STXBP6: variants seen among roughly 807,000 people sequenced by gnomAD.
The protein encoded by STXBP6 is syntaxin-binding protein 6.
A neutral mutation model predicts 26.9 loss-of-function variants in STXBP6; 21 were observed. That is an observed-to-expected ratio of 0.78 (90% CI 0.55 to 1.12). STXBP6 has a LOEUF of 1.12. Ranked by LOEUF, STXBP6 falls within the 50% of genes most tolerant of loss-of-function variation. STXBP6 has a pLI of 0.00. For synonymous variants in STXBP6, 97 were observed against 92.6 expected (o/e 1.05, Z -0.27); for missense variants, 232 against 257.9 (o/e 0.90, Z 0.69).
At chr14:24,920,360 T>C (rs1358590188) in intron 2 of STXBP6, among the ~76,000 whole-genome samples, 2 of 152,100 alleles carry the variant, frequency 1.3e-5, no homozygotes, top group African/African-American at 4.8e-5. Context: ...TCTGACAGTT[T>C]AAAATATTTA....
At chr14:25,038,369 C>T (rs2075588937) in intron 1 of STXBP6, among the ~76,000 whole-genome samples, 2 of 152,212 alleles carry the variant, frequency 1.3e-5, no homozygotes, top group Admixed American at 6.5e-5. Context: ...AGACACACAC[C>T]CACCATCAGA....
intron 1 of STXBP6, among the ~76,000 whole-genome samples, chr14:25,019,008 C>T (rs540320280): frequency 6.6e-6 from 1 of 152,296 alleles, no homozygotes. Flanking sequence ...AAGCAATACT[C>T]GGTAGGCTTC....
intron 1 of STXBP6, among the ~76,000 whole-genome samples, chr14:25,007,366 G>A (rs1274485387): frequency 1.3e-5 from 2 of 152,206 alleles, no homozygotes; most frequent in South Asian, 2.1e-4. Context: ...GACGGTGACT[G>A]TGATAATGGT....
intron 4 of STXBP6, chr14:24,819,463 C>T: frequency 1.7e-6 from 1 of 583,846 alleles, no homozygotes; most frequent in South Asian, 2.2e-5. Context: ...TCCATTCTGC[C>T]AGTATTCTAT....
At chr14:24,856,793 G>A (rs958554847) in intron 3 of STXBP6, among the ~76,000 whole-genome samples, 2 of 151,690 alleles carry the variant, frequency 1.3e-5, no homozygotes, top group African/African-American at 2.4e-5. Flanking sequence ...CAATGTTACC[G>A]GAGGTCACAT....
chr14:24,838,819 C>T lies in STXBP6; in HGVS notation c.451+17117G>A, dbSNP rs571435845. 1.6e-4 allele frequency among the ~76,000 whole-genome samples: 24 copies of T among 152,242 alleles called. 2 individuals are homozygous for T. Among genetic ancestry groups the T allele is most frequent in the Admixed American group, 5.2e-4 (8 of 15,300 alleles). ...GAGCAAGATTGAGCATAAACAGCTA[C>T]ATTCATAGACAACTCAACTGCCCTT... On this transcript the variant is annotated intron_variant, in intron 4 of 5. Transcript: ENST00000323944.
intron 1 of STXBP6, among the ~76,000 whole-genome samples, chr14:25,006,289 G>A (rs1472792978): frequency 6.6e-6 from 1 of 152,154 alleles, no homozygotes; most frequent in Admixed American, 6.5e-5. Flanking sequence ...TCTTGCTGTG[G>A]GCTCAGGAAG....
chr14:24,819,461 G>T, intron 4 of STXBP6: 1 of 583,986 alleles, frequency 1.7e-6, no homozygotes, highest in Non-Finnish European at 3.1e-6. Context: ...TTTCCATTCT[G>T]CCAGTATTCT....
chr14:24,948,756 G>A (rs934503448), intron 2 of STXBP6, among the ~76,000 whole-genome samples: 24 of 152,090 alleles, frequency 1.6e-4, no homozygotes, highest in African/African-American at 5.8e-4. Context: ...AGGTAATAGA[G>A]GAAAATAGAA....
intron 4 of STXBP6, among the ~76,000 whole-genome samples, chr14:24,855,696 A>G (rs773207782): frequency 6.6e-6 from 1 of 152,132 alleles, no homozygotes; most frequent in Non-Finnish European, 1.5e-5. Flanking sequence ...CTAAGTGCAG[A>G]TAAGAACTAG....
chr14:24,912,929 C>T lies in STXBP6; in HGVS notation c.155-55772G>A, dbSNP rs1179353932. Among the ~76,000 whole-genome samples, 3 of 152,006 alleles carry T rather than the reference C, an allele frequency of 2.0e-5. No individual in the cohort carries two copies. The East Asian group carries it at 5.8e-4, about 29-fold the overall frequency. On this transcript the variant is annotated intron_variant, in intron 2 of 5. Coordinates refer to ENST00000323944, the MANE Select transcript of STXBP6 (RefSeq NM_001394410.1). Reference sequence around the variant, plus strand: ...GAAAATTTAAAAACAGGAACTCCACCACAGGTATTTTCAGAAGCCAGCACT... The same window carrying T: ...GAAAATTTAAAAACAGGAACTCCACTACAGGTATTTTCAGAAGCCAGCACT...
intron 1 of STXBP6, among the ~76,000 whole-genome samples, chr14:25,002,201 T>C (rs1438234791): frequency 1.3e-5 from 2 of 152,204 alleles, no homozygotes; most frequent in Non-Finnish European, 2.9e-5. Flanking sequence ...ACTTTCAGGA[T>C]ACTATAAGTG....
intron 2 of STXBP6, among the ~76,000 whole-genome samples, chr14:24,866,383 G>A (rs2069722584): frequency 6.6e-6 from 1 of 151,962 alleles, no homozygotes; most frequent in African/African-American, 2.4e-5. Flanking sequence ...TGTGCATGGT[G>A]TATATATGTA....
intron 2 of STXBP6, among the ~76,000 whole-genome samples, chr14:24,937,673 A>T (rs2072651074): frequency 1.3e-5 from 2 of 152,228 alleles, no homozygotes; most frequent in Non-Finnish European, 2.9e-5. Context: ...ATCACTTCTG[A>T]CCATAGCTGA....
chr14:24,848,014 C>T (rs1216185074), intron 4 of STXBP6, among the ~76,000 whole-genome samples: 4 of 152,120 alleles, frequency 2.6e-5, no homozygotes, highest in African/African-American at 9.7e-5. Flanking sequence ...CAAAGAAATT[C>T]TTTTCCCCCC....
chr14:24,905,085 T>C (rs1299311698), intron 2 of STXBP6, among the ~76,000 whole-genome samples: 3 of 152,154 alleles, frequency 2.0e-5, no homozygotes, highest in East Asian at 3.9e-4. Flanking sequence ...AAATAGAAAA[T>C]TCTGTTTTAT....
At chr14:25,018,586 G>A (rs1798395117) in intron 1 of STXBP6, among the ~76,000 whole-genome samples, 1 of 152,124 alleles carries the variant, frequency 6.6e-6, no homozygotes, top group South Asian at 2.1e-4. Flanking sequence ...CCTCAAGGGT[G>A]ATTTTCAGAG....
At chr14:24,912,804 T>C (rs1487495287) in intron 2 of STXBP6, among the ~76,000 whole-genome samples, 1 of 152,180 alleles carries the variant, frequency 6.6e-6, no homozygotes, top group Non-Finnish European at 1.5e-5. Context: ...GTCAGTTGAA[T>C]ATAACACTAC....
intron 1 of STXBP6, among the ~76,000 whole-genome samples, chr14:24,989,458 C>A (rs2074412138): frequency 6.6e-6 from 1 of 152,122 alleles, no homozygotes; most frequent in African/African-American, 2.4e-5. Flanking sequence ...TCAAAATAAA[C>A]AAAAAACAAG....
Sources: allele counts gnomAD v4.1 joint callset (sites outside exome capture counted in the v4.1 genomes callset), GRCh38; gene constraint gnomAD v4.1.1; transcripts MANE v1.5; gene names NCBI Gene and HGNC (gene_info 2026-07-23, HGNC 2026-07-21).